The following ADGRL1 variants were observed in gnomAD, a reference collection of about 807,000 sequenced individuals.
ADGRL1 encodes the protein CIRL-1.
ADGRL1 carries 31 observed loss-of-function variants against 148.9 expected under a neutral mutation model. That is an observed-to-expected ratio of 0.21 (90% CI 0.16 to 0.28). ADGRL1 has a LOEUF of 0.28. ADGRL1 is among the 10% of genes least tolerant of loss of function. ADGRL1 has a pLI of 1.00. For synonymous variants in ADGRL1, 937 were observed against 900.3 expected, an observed-to-expected ratio of 1.04 and a Z score of -0.73; for missense variants, 1,521 against 2,058.8, an observed-to-expected ratio of 0.74 and a Z score of 5.05.
intron 15 of ADGRL1, 30 bp from the exon 16 acceptor site, chr19:14,156,754 G>A (rs1205060352): frequency 5.0e-6 from 8 of 1,591,866 alleles, no homozygotes; most frequent in South Asian, 1.1e-5. Flanking sequence ...GGGGTATAGA[G>A]AGAAGCCGAG....
At chr19:14,164,611 C>A (rs937878071) in intron 4 of ADGRL1, 1 of 151,950 alleles carries the variant, frequency 6.6e-6, no homozygotes, top group African/African-American at 2.4e-5. Context: ...TGGCCCGGAC[C>A]CCGATTTACC....
chr19:14,182,012 G>C (rs1390277313), intron 2 of ADGRL1, among the ~76,000 whole-genome samples: 3 of 152,190 alleles, frequency 2.0e-5, no homozygotes, highest in Admixed American at 2.0e-4. Flanking sequence ...TCATCACCTT[G>C]TACCACACGG....
chr19:14,202,987 G>A (rs941324782), intron 1 of ADGRL1, among the ~76,000 whole-genome samples: 6 of 152,156 alleles, frequency 3.9e-5, no homozygotes, highest in African/African-American at 1.4e-4. Context: ...TCTGGATTCT[G>A]GGGACACCGG....
Position 14,160,078 on chromosome 19 carries a change from C to A in ADGRL1, c.1800+34G>T. ...CAAGCCCCTGGGGGCAGGCGCCCTC[C>A]CCATACCAGGTCAGCGCCACCGCCA... On this transcript the variant is annotated intron_variant, in intron 8 of 22. Transcript: ENST00000361434. This position sits in a 1 kb window ranked among gnomAD's most constrained non-coding sequence, Gnocchi z 5.9. 1 of 1,549,290 alleles carries A rather than the reference C, an allele frequency of 6.5e-7. No homozygotes were observed. The highest frequency in any genetic ancestry group is 1.2e-5 in the South Asian group (1 of 84,160).
Position 14,152,637 on chromosome 19 carries a change from G to A in ADGRL1, c.3424-24C>T, listed in dbSNP as rs753915429. 6 of 1,609,650 alleles carry A rather than the reference G, an allele frequency of 3.7e-6. No homozygotes were observed. In the East Asian group the frequency reaches 1.1e-4, roughly 30 times the overall value. ...CTCTGGGAACACAACCCAAATGTGAGGGGATCCTTGGGCCACCCACCCTCT... is the reference window on the plus strand; with the variant it reads ...CTCTGGGAACACAACCCAAATGTGAAGGGATCCTTGGGCCACCCACCCTCT... On this transcript the variant is annotated intron_variant, in intron 19 of 22. Transcript: ENST00000361434. This position sits in a 1 kb window ranked among gnomAD's most constrained non-coding sequence, Gnocchi z 6.1.
chr19:14,148,694 G>A lies in ADGRL1; in HGVS notation c.*2179C>T, dbSNP rs1967840555. On this transcript the variant is annotated 3_prime_UTR_variant, in exon 23 of 23. Transcript: ENST00000361434. ...TAGACTTCACCCATGGTCTTCTGGTGTAATGGGTTAGGCCTTTCTACCAGA... is the reference window on the plus strand; with the variant it reads ...TAGACTTCACCCATGGTCTTCTGGTATAATGGGTTAGGCCTTTCTACCAGA... 1 of 152,794 alleles carries A rather than the reference G, an allele frequency of 6.5e-6. No individual in the cohort carries two copies. Among genetic ancestry groups the A allele is most frequent in the African/African-American group, 2.4e-5 (1 of 41,436 alleles). The allele number at this position is 152,794 out of a possible 1,614,324, so 9.5% of individuals were successfully genotyped here. A position where few individuals can be genotyped will look rare whatever the true frequency, so the allele number is the denominator to read the frequency against.
At chr19:14,170,500 G>A (rs1970373671) in intron 4 of ADGRL1, 182 bp downstream of exon 4, 2 of 542,188 alleles carry the variant, frequency 3.7e-6, no homozygotes, top group African/African-American at 1.9e-5. Flanking sequence ...GGGGGAGCAG[G>A]CACTGAGTGT....
In ADGRL1 at chr19:14,151,092, A is replaced by C. The variant is rs1430803423; in HGVS notation, c.4191T>G (p.Pro1397=). Residue 1397 remains proline, a synonymous_variant, in exon 23 of 23, where the codon CCT becomes CCG. Transcript: ENST00000361434. ...RDSPSYPDSS[P]EGPSEALPPP... ...GGGGCAGGGCCTCACTGGGCCCCTC[A>C]GGGCTGCTGTCCGGGTAGGAGGGTG... 3 of 1,528,382 alleles carry C rather than the reference A, an allele frequency of 2.0e-6. No individual in the cohort carries two copies. In the South Asian group the frequency reaches 3.8e-5, roughly 19 times the overall value. The allele number at this position is 1,528,382 out of a possible 1,614,324, so 94.7% of individuals were successfully genotyped here. A position where few individuals can be genotyped will look rare whatever the true frequency, so the allele number is the denominator to read the frequency against.
Position 14,151,059 on chromosome 19 carries a change from A to AG in ADGRL1, c.4223dup (p.Pro1409SerfsTer34). 3 of 208,598 alleles carry AG rather than the reference A, an allele frequency of 1.4e-5. No individual in the cohort carries two copies. The highest frequency in any genetic ancestry group is 1.1e-4 in the South Asian group (1 of 9,044). 12.9% of individuals were successfully genotyped at this position (208,598 alleles called of 1,614,324 possible). On this transcript the variant is annotated frameshift_variant, in exon 23 of 23. Transcript: ENST00000361434. LOFTEE classifies it high-confidence loss of function. ...TTTCGGGGGGGCCGGGGGGTGCGGG[A>AG]GGGGGTGGGGGCAGGGCCTCACTGG...
chr19:14,204,407 G>T (rs1158216351), intron 1 of ADGRL1, among the ~76,000 whole-genome samples: 1 of 152,038 alleles, frequency 6.6e-6, no homozygotes, highest in African/African-American at 2.4e-5. Context: ...TCAATTCAGG[G>T]GGCCAGGCCC....
intron 2 of ADGRL1, among the ~76,000 whole-genome samples, chr19:14,182,132 T>C (rs1971241196): frequency 6.6e-6 from 1 of 152,244 alleles, no homozygotes; most frequent in Non-Finnish European, 1.5e-5. Context: ...TCTGTGCCTC[T>C]GTCCCTCCCC....
intron 18 of ADGRL1, among the ~76,000 whole-genome samples, chr19:14,154,029 C>T (rs1968485835): frequency 6.6e-6 from 1 of 151,910 alleles, no homozygotes; most frequent in South Asian, 2.1e-4. Context: ...ACGGGGGCTG[C>T]ACCCTGAGGG....
At chr19:14,170,882 C>G (rs1970413531) in intron 3 of ADGRL1, 91 bp from the exon 4 acceptor site, 1 of 694,112 alleles carries the variant, frequency 1.4e-6, no homozygotes, top group African/African-American at 1.8e-5. Flanking sequence ...GTGTCATAGA[C>G]ACCCCCAAAT....
At chr19:14,193,366 C>T (rs1488856074) in intron 1 of ADGRL1, among the ~76,000 whole-genome samples, 31 of 148,652 alleles carry the variant, frequency 2.1e-4, no homozygotes. Flanking sequence ...GTGGGAGGAT[C>T]ACTTGAGCCC....
rs776298775 is a variant in ADGRL1 at position 14,158,385 on chromosome 19, G to A, written c.2317C>T (p.Arg773Cys). Residue 773 changes from arginine to cysteine, a missense_variant, in exon 12 of 23, where the codon CGC becomes TGC. This residue lies in a region of ADGRL1 where 265 missense variants were observed against 431.9 expected (regional missense o/e 0.61). Transcript: ENST00000361434. ...ATGACAGGGTCCATGAGGAAGACGC[G>A]GCTGGACTCCTTGTTGATGGATGCT... ...IAASINKESS[R>C]VFLMDPVIFT... 3 of 1,613,654 alleles carry A rather than the reference G, an allele frequency of 1.9e-6. No homozygotes were observed. The highest frequency in any genetic ancestry group is 1.7e-5 in the Admixed American group (1 of 60,014).
chr19:14,201,736 C>T (rs1458410675), intron 1 of ADGRL1, among the ~76,000 whole-genome samples: 1 of 152,144 alleles, frequency 6.6e-6, no homozygotes, highest in Non-Finnish European at 1.5e-5. Flanking sequence ...TTCTTGAACG[C>T]ACACTGTGGG....
chr19:14,157,025 A>T lies in ADGRL1; in HGVS notation c.2866T>A (p.Ser956Thr), dbSNP rs778408387. 2.5e-6 allele frequency: 4 copies of T among 1,613,950 alleles called. No homozygotes were observed. Among genetic ancestry groups the T allele is most frequent in the Non-Finnish European group, 3.4e-6 (4 of 1,179,964 alleles). Residue 956 changes from serine to threonine, a missense_variant, in exon 15 of 23, where the codon TCC (serine) becomes ACC (threonine). Physicochemically the swap from Ser to Thr is moderately conservative, Grantham distance 58. Around this residue, in one of 8 missense-constraint regions of ADGRL1, gnomAD observed 185 missense variants for 251.7 expected, o/e 0.74. Transcript: ENST00000361434. The surrounding 1 kb of genome is among the most constrained non-coding windows in gnomAD (Gnocchi z 7.5). Reference protein sequence around the residue: ...LLVEVFESEYSRTKYYYLGGY... With the variant: ...LLVEVFESEYTRTKYYYLGGY... ...CCCAGGTAGTAGTACTTGGTGCGGGAATACTCGCTCTCAAACACCTCCACT... is the reference window on the plus strand; with the variant it reads ...CCCAGGTAGTAGTACTTGGTGCGGGTATACTCGCTCTCAAACACCTCCACT...
intron 1 of ADGRL1, among the ~76,000 whole-genome samples, chr19:14,188,839 T>C (rs959980180): frequency 1.3e-5 from 2 of 152,120 alleles, no homozygotes; most frequent in African/African-American, 4.8e-5. Context: ...AGTGGCACAA[T>C]CTTGGCTCAC....
Position 14,150,991 on chromosome 19 carries a change from G to C in ADGRL1, c.4292C>G (p.Pro1431Arg). The change falls in exon 23 of 23, where the codon CCC becomes CGC. Residue 1431 changes from proline (P) to arginine (R), a missense_variant. By Grantham distance (103) the Pro-to-Arg change is moderately radical. This residue lies in a region of ADGRL1 where 390 missense variants were observed against 375.0 expected (regional missense o/e 1.04). Coordinates refer to ENST00000361434, the MANE Select transcript of ADGRL1 (RefSeq NM_014921.5). ...SRPPALVARN[P>R]LQGYYQVRRP... ...CCGCACCTGGTAGTAGCCCTGCAGG[G>C]GATTCCGGGCCACCAGGGCTGGCGG... The C allele has an allele frequency of 6.3e-7, 1 of 1,593,398 alleles. No individual in the cohort carries two copies. Among genetic ancestry groups the C allele is most frequent in the Non-Finnish European group, 8.5e-7 (1 of 1,170,658 alleles).
Sources: allele counts gnomAD v4.1 joint callset (sites outside exome capture counted in the v4.1 genomes callset), GRCh38; gene constraint gnomAD v4.1.1; regional missense constraint gnomAD v4.1.1; non-coding constraint Gnocchi (gnomAD v3.1); transcripts MANE v1.5; gene names NCBI Gene and HGNC (gene_info 2026-07-23, HGNC 2026-07-21).